PAG1: variants seen among roughly 807,000 people sequenced by gnomAD.
PAG1 encodes the protein phosphoprotein associated with glycosphingolipid-enriched microdomains 1.
PAG1 carries 23 observed loss-of-function variants against 31.7 expected under a neutral mutation model. That is an observed-to-expected ratio of 0.73 (90% CI 0.52 to 1.03). The LOEUF (loss-of-function observed/expected upper bound fraction) is 1.03, where lower values mean the gene tolerates loss of function less well. Among genes scored for constraint, PAG1 ranks in the 50% least tolerant of loss-of-function variants. The pLI is 0.00. For synonymous variants in PAG1, 214 were observed against 210.3 expected (o/e 1.02, Z -0.15); for missense variants, 473 against 540.7 (o/e 0.87, Z 1.24).
chr8:80,982,190 C>G (rs1807321120), intron 7 of PAG1, among the ~76,000 whole-genome samples: 1 of 152,136 alleles, frequency 6.6e-6, no homozygotes, highest in Non-Finnish European at 1.5e-5. Flanking sequence ...ATAGCAAAAT[C>G]TTTTAAAGAG....
At chr8:81,007,538 G>A (rs1807906144) in intron 3 of PAG1, among the ~76,000 whole-genome samples, 1 of 150,510 alleles carries the variant, frequency 6.6e-6, no homozygotes, top group African/African-American at 2.4e-5. Flanking sequence ...TCAGGAGGCT[G>A]GGGCAGGAGA....
intron 5 of PAG1, among the ~76,000 whole-genome samples, chr8:80,988,434 A>C (rs1807471020): frequency 6.6e-6 from 1 of 152,198 alleles, no homozygotes; most frequent in Non-Finnish European, 1.5e-5. Context: ...AATATGCTGA[A>C]AATTAGCTCT....
intron 3 of PAG1, among the ~76,000 whole-genome samples, chr8:81,010,240 T>C (rs1807958537): frequency 6.6e-6 from 1 of 152,182 alleles, no homozygotes. Flanking sequence ...CTCACATGTA[T>C]ATCCTTAAAG....
chr8:80,986,781 C>T (rs1040882411), intron 6 of PAG1, among the ~76,000 whole-genome samples: 12 of 138,810 alleles, frequency 8.6e-5, no homozygotes, highest in African/African-American at 3.3e-4. Context: ...CCAGTGTAAT[C>T]ACAAGGGTCC....
chr8:81,027,533 CTACGGATAGAA>C (rs1201391186), intron 3 of PAG1, among the ~76,000 whole-genome samples: 1 of 152,188 alleles, frequency 6.6e-6, no homozygotes, highest in East Asian at 1.9e-4. Flanking sequence ...ACTGACACTA[CTACGGATAGAA>C]TTTTAAAAGT....
intron 2 of PAG1, among the ~76,000 whole-genome samples, chr8:81,062,494 C>A (rs748962763): frequency 6.6e-6 from 1 of 152,134 alleles, no homozygotes; most frequent in Non-Finnish European, 1.5e-5. Context: ...AATCGCAAAC[C>A]CATTTCTAAT....
chr8:81,041,716 T>C (rs1808557685), intron 2 of PAG1, among the ~76,000 whole-genome samples: 1 of 152,294 alleles, frequency 6.6e-6, no homozygotes, highest in East Asian at 1.9e-4. Context: ...AACCTCAGGA[T>C]TGCATGCTAC....
At chr8:81,021,538 G>C (rs1288707559) in intron 3 of PAG1, among the ~76,000 whole-genome samples, 1 of 147,278 alleles carries the variant, frequency 6.8e-6, no homozygotes, top group African/African-American at 2.5e-5. Flanking sequence ...GTGTGTGTGT[G>C]TGCCTCTGTG....
intron 1 of PAG1, among the ~76,000 whole-genome samples, chr8:81,084,149 C>T (rs957376503): frequency 6.6e-6 from 1 of 152,120 alleles, no homozygotes; most frequent in Non-Finnish European, 1.5e-5. Context: ...GATATTCTGC[C>T]ATCTTTCCTC....
chr8:80,993,028 G>A, intron 4 of PAG1, 75 bp downstream of exon 4: 2 of 1,348,394 alleles, frequency 1.5e-6, no homozygotes, highest in Non-Finnish European at 2.0e-6. Context: ...TTCCTAACAG[G>A]CTTTCCACAG....
chr8:81,070,555 C>T (rs1189670970), intron 1 of PAG1, among the ~76,000 whole-genome samples: 4 of 151,948 alleles, frequency 2.6e-5, no homozygotes, highest in Admixed American at 6.6e-5. Flanking sequence ...ACTGCACCTG[C>T]ACACCTCAAA....
intron 1 of PAG1, among the ~76,000 whole-genome samples, chr8:81,074,911 T>C (rs930573925): frequency 2.0e-5 from 3 of 152,228 alleles, no homozygotes; most frequent in Admixed American, 6.5e-5. Flanking sequence ...TGGGTTTCTA[T>C]CCAGCTGCCT....
intron 3 of PAG1, among the ~76,000 whole-genome samples, chr8:81,009,774 G>A (rs79982891): frequency 0.037 from 5,640 of 152,138 alleles, 183 homozygotes; most frequent in Non-Finnish European, 0.048. Flanking sequence ...CACCACATCT[G>A]GTTAATTTTT....
intron 1 of PAG1, among the ~76,000 whole-genome samples, chr8:81,101,389 G>C (rs898710665): frequency 3.3e-5 from 5 of 152,098 alleles, no homozygotes; most frequent in African/African-American, 1.2e-4. Flanking sequence ...CAGGACTTAT[G>C]ATCAATATTT....
chr8:81,002,178 T>TA (rs1807797458), intron 3 of PAG1, among the ~76,000 whole-genome samples: 1 of 152,218 alleles, frequency 6.6e-6, no homozygotes, highest in Admixed American at 6.5e-5. Flanking sequence ...TTGCACTGTT[T>TA]TTATTTGGCT....
intron 2 of PAG1, among the ~76,000 whole-genome samples, chr8:81,050,284 G>C (rs1271233580): frequency 6.6e-6 from 1 of 152,132 alleles, no homozygotes; most frequent in East Asian, 1.9e-4. Flanking sequence ...TTAAATGAAT[G>C]AGAATTTAAT....
intron 2 of PAG1, among the ~76,000 whole-genome samples, chr8:81,044,169 A>C (rs1327272722): frequency 1.3e-5 from 2 of 152,224 alleles, no homozygotes; most frequent in African/African-American, 2.4e-5. Context: ...GCCTGGGGGC[A>C]GTAATGGGTT....
At chr8:81,052,744 A>G (rs1808754030) in intron 2 of PAG1, among the ~76,000 whole-genome samples, 1 of 152,252 alleles carries the variant, frequency 6.6e-6, no homozygotes, top group African/African-American at 2.4e-5. Context: ...TCCCTGTGCT[A>G]CACAAAAGCT....
chr8:80,991,628 C>G, intron 4 of PAG1, 98 bp from the exon 5 acceptor site: 1 of 844,052 alleles, frequency 1.2e-6, no homozygotes. Flanking sequence ...GCTTTTAAAT[C>G]TCTCGTTTTA....
Sources: gnomAD v4.1 joint callset for allele counts (sites outside exome capture counted in the v4.1 genomes callset) on GRCh38, gnomAD v4.1.1 for gene constraint, MANE v1.5 for transcripts, NCBI Gene and HGNC (gene_info 2026-07-23, HGNC 2026-07-21) for gene names.